Variants in TMEM131 observed in about 807,000 individuals in gnomAD.
TMEM131 encodes the protein transmembrane protein 131.
Under a neutral mutation model 211.6 loss-of-function variants are expected in TMEM131, and 66 were observed. That is an observed-to-expected ratio of 0.31 (90% CI 0.26 to 0.38). TMEM131 has a LOEUF of 0.38. TMEM131 is among the 10% of genes least tolerant of loss of function. The pLI, the probability that TMEM131 is intolerant of heterozygous loss-of-function variation, is 1.00. For missense variants in TMEM131, 2,036 were observed against 2,299.3 expected, an observed-to-expected ratio of 0.89 and a Z score of 2.34; for synonymous variants, 844 against 841.3, an observed-to-expected ratio of 1.00 and a Z score of -0.06.
chr2:97,759,271 AT>A (rs757352448), intron 39 of TMEM131: 33 of 585,316 alleles, frequency 5.6e-5, no homozygotes, highest in Non-Finnish European at 9.6e-5. Context: ...TGACATCCAA[AT>A]GCAAACTTTC....
At chr2:97,840,656 A>G (rs1410174833) in intron 7 of TMEM131, among the ~76,000 whole-genome samples, 2 of 152,230 alleles carry the variant, frequency 1.3e-5, no homozygotes, top group Non-Finnish European at 2.9e-5. Flanking sequence ...AATAACAGCC[A>G]GAACAGGGAA....
At chr2:97,984,702 A>G (rs1403448726) in intron 1 of TMEM131, among the ~76,000 whole-genome samples, 2 of 150,178 alleles carry the variant, frequency 1.3e-5, no homozygotes, top group African/African-American at 4.9e-5. Flanking sequence ...TTATTAATAT[A>G]TATTATATAT....
intron 14 of TMEM131, 38 bp from the exon 15 acceptor site, chr2:97,814,179 G>C: frequency 6.2e-7 from 1 of 1,612,204 alleles, no homozygotes; most frequent in Non-Finnish European, 8.5e-7. Context: ...CAAAGTGTCA[G>C]CATCACCTAG....
At chr2:97,855,925 ATATT>A (rs1673825102) in intron 5 of TMEM131, among the ~76,000 whole-genome samples, 1 of 152,178 alleles carries the variant, frequency 6.6e-6, no homozygotes, top group Non-Finnish European at 1.5e-5. Context: ...ATAATCATTA[ATATT>A]TATTAACACC....
chr2:97,882,723 T>C (rs1460378235), intron 4 of TMEM131, among the ~76,000 whole-genome samples: 1 of 152,188 alleles, frequency 6.6e-6, no homozygotes, highest in Non-Finnish European at 1.5e-5. Context: ...TGTGCGTGTA[T>C]ATATACATAT....
intron 3 of TMEM131, among the ~76,000 whole-genome samples, chr2:97,898,204 C>G (rs1675696734): frequency 6.6e-6 from 1 of 151,838 alleles, no homozygotes; most frequent in Admixed American, 6.6e-5. Context: ...AGCTGATGCT[C>G]TATGTCTTAA....
intron 5 of TMEM131, 115 bp downstream of exon 5, chr2:97,859,189 G>T (rs980556978): frequency 2.7e-6 from 3 of 1,122,426 alleles, no homozygotes; most frequent in Non-Finnish European, 2.5e-6. Context: ...ACAAATCTAG[G>T]AACAGATTTG....
chr2:97,844,890 A>G (rs778301196), intron 5 of TMEM131, among the ~76,000 whole-genome samples: 16 of 152,124 alleles, frequency 1.1e-4, no homozygotes, highest in Non-Finnish European at 1.9e-4. Flanking sequence ...AAAGCCTTAA[A>G]GTGCATTTTA....
chr2:97,879,186 G>A (rs1376875316), intron 4 of TMEM131, among the ~76,000 whole-genome samples: 3 of 152,200 alleles, frequency 2.0e-5, no homozygotes, highest in Non-Finnish European at 4.4e-5. Flanking sequence ...AGAATGCAAG[G>A]CTGAAGAGCA....
intron 4 of TMEM131, among the ~76,000 whole-genome samples, chr2:97,865,868 G>C (rs1291849101): frequency 6.6e-6 from 1 of 152,096 alleles, no homozygotes; most frequent in African/African-American, 2.4e-5. Flanking sequence ...AGCAGGGCTT[G>C]CTTTCTGGCA....
At chr2:97,945,496 C>T (rs984815189) in intron 1 of TMEM131, among the ~76,000 whole-genome samples, 1 of 152,106 alleles carries the variant, frequency 6.6e-6, no homozygotes, top group Non-Finnish European at 1.5e-5. Flanking sequence ...CAGCAAAAAG[C>T]ATGCTTTTGT....
intron 38 of TMEM131, 39 bp downstream of exon 38, chr2:97,760,554 C>T (rs773027171): frequency 1.3e-5 from 20 of 1,565,936 alleles, no homozygotes; most frequent in Non-Finnish European, 1.4e-5. Context: ...ACTTGAGAAG[C>T]CTTCCGTCTT....
chr2:97,797,730 T>C (rs1300626666), intron 25 of TMEM131, among the ~76,000 whole-genome samples: 2 of 152,244 alleles, frequency 1.3e-5, no homozygotes, highest in African/African-American at 4.8e-5. Context: ...AAAAAGGGGC[T>C]TTCTTCCCCA....
intron 1 of TMEM131, among the ~76,000 whole-genome samples, chr2:97,929,134 C>T (rs1241012748): frequency 1.4e-4 from 21 of 151,266 alleles, no homozygotes. Context: ...AGGAAATACA[C>T]GAGATGAGAA....
chr2:97,852,345 AT>A (rs1355210833), intron 5 of TMEM131, among the ~76,000 whole-genome samples: 1 of 151,980 alleles, frequency 6.6e-6, no homozygotes, highest in African/African-American at 2.4e-5. Flanking sequence ...TTTAGTAGAG[AT>A]GGGGTTTCAC....
At position 97,834,443 on chromosome 2, in the gene TMEM131, G is replaced by A. The variant is rs531475059; in HGVS notation, c.1012+178C>T. Among the ~76,000 whole-genome samples, 26 of 152,158 alleles carry A rather than the reference G, an allele frequency of 1.7e-4. 1 individual carries two copies. The South Asian group carries it at 1.9e-3, about 11-fold the overall frequency. On this transcript the variant is annotated intron_variant, in intron 10 of 40. Coordinates refer to ENST00000186436, the MANE Select transcript of TMEM131 (RefSeq NM_015348.2). ...TAAGCAATGCCACCCACCCCTCAGC[G>A]GAATGGGGTATAAACCTGTAAAGGC...
At chr2:97,773,590 T>A (rs1304466198) in intron 32 of TMEM131, among the ~76,000 whole-genome samples, 1 of 152,052 alleles carries the variant, frequency 6.6e-6, no homozygotes, top group African/African-American at 2.4e-5. Context: ...TTGCAGCATC[T>A]GAGTGTGAGA....
intron 40 of TMEM131, 108 bp from the exon 41 acceptor site, chr2:97,757,491 A>T (rs1678559748): frequency 2.5e-6 from 3 of 1,223,450 alleles, no homozygotes; most frequent in South Asian, 1.5e-5. Flanking sequence ...CATTCCTCTT[A>T]CTTTGTTTAC....
At chr2:97,924,133 C>A (rs1676877355) in intron 2 of TMEM131, among the ~76,000 whole-genome samples, 1 of 151,848 alleles carries the variant, frequency 6.6e-6, no homozygotes. Flanking sequence ...ATCTGTAATC[C>A]CAGCACTTTG....
Sources: gnomAD v4.1 joint callset for allele counts (sites outside exome capture counted in the v4.1 genomes callset) on GRCh38, gnomAD v4.1.1 for gene constraint, MANE v1.5 for transcripts, NCBI Gene and HGNC (gene_info 2026-07-23, HGNC 2026-07-21) for gene names.